Variants in CNTNAP5 observed in about 807,000 individuals in gnomAD.
The protein encoded by CNTNAP5 is contactin associated protein family member 5.
Under a neutral mutation model 150.2 loss-of-function variants are expected in CNTNAP5, and 72 were observed. The ratio of observed to expected loss-of-function variants is 0.48; its 90% confidence interval spans 0.40 to 0.58. CNTNAP5 has a LOEUF of 0.58. Ranked by LOEUF, CNTNAP5 falls within the 20% of genes least tolerant of loss-of-function variation. CNTNAP5 has a pLI of 0.00. For missense variants in CNTNAP5, 1,636 were observed against 1,626.2 expected (o/e 1.01, Z -0.10); for synonymous variants, 672 against 619.8 (o/e 1.08, Z -1.25).
intron 3 of CNTNAP5, among the ~76,000 whole-genome samples, chr2:124,342,648 A>G (rs1689646089): frequency 6.6e-6 from 1 of 152,204 alleles, no homozygotes; most frequent in Non-Finnish European, 1.5e-5. Flanking sequence ...AAATGAGAAT[A>G]CTCAGGAATA....
intron 14 of CNTNAP5, among the ~76,000 whole-genome samples, chr2:124,758,042 T>G (rs1680877371): frequency 6.6e-6 from 1 of 152,026 alleles, no homozygotes; most frequent in Admixed American, 6.6e-5. Context: ...TGATAGGAAT[T>G]AAGAGAGTGG....
At chr2:124,226,828 G>A (rs1332275598) in intron 2 of CNTNAP5, among the ~76,000 whole-genome samples, 1 of 151,992 alleles carries the variant, frequency 6.6e-6, no homozygotes, top group Non-Finnish European at 1.5e-5. Context: ...GACAGCCCAG[G>A]GCATCACATA....
At chr2:124,872,415 T>C (rs60352960) in intron 21 of CNTNAP5, among the ~76,000 whole-genome samples, 3,564 of 144,106 alleles carry the variant, frequency 0.025, 138 homozygotes, top group African/African-American at 0.085. Flanking sequence ...TGTGTGTGTG[T>C]GCGTGCATGT....
At chr2:124,079,018 C>A (rs1021401686) in intron 1 of CNTNAP5, among the ~76,000 whole-genome samples, 14 of 152,154 alleles carry the variant, frequency 9.2e-5, no homozygotes, top group Non-Finnish European at 1.2e-4. Flanking sequence ...GGTGTTGGAT[C>A]TAGCAATTCC....
chr2:124,629,941 A>AAAAAAAAC (rs1677812839), intron 12 of CNTNAP5, among the ~76,000 whole-genome samples: 1 of 149,702 alleles, frequency 6.7e-6, no homozygotes, highest in Non-Finnish European at 1.5e-5. Context: ...CTATGCAAAA[A>AAAAAAAAC]AAAAAAAAAA....
intron 17 of CNTNAP5, among the ~76,000 whole-genome samples, chr2:124,777,342 C>T (rs1200885713): frequency 6.6e-6 from 1 of 152,024 alleles, no homozygotes; most frequent in African/African-American, 2.4e-5. Context: ...ATACATTTAA[C>T]CCATCCCAAC....
chr2:124,906,328 G>A (rs2104763694), intron 22 of CNTNAP5, among the ~76,000 whole-genome samples: 1 of 152,172 alleles, frequency 6.6e-6, no homozygotes, highest in East Asian at 1.9e-4. Context: ...ATGAAATATG[G>A]GTTTTGCAAG....
At chr2:124,070,264 A>G (rs1682267494) in intron 1 of CNTNAP5, among the ~76,000 whole-genome samples, 1 of 151,928 alleles carries the variant, frequency 6.6e-6, no homozygotes. Flanking sequence ...GAAGGAAAGA[A>G]AGAAGCAAAA....
intron 1 of CNTNAP5, among the ~76,000 whole-genome samples, chr2:124,174,982 A>G (rs1685026124): frequency 6.6e-6 from 1 of 152,244 alleles, no homozygotes; most frequent in Admixed American, 6.5e-5. Flanking sequence ...GGCTCAGGTG[A>G]TCATTAGCAT....
intron 1 of CNTNAP5, among the ~76,000 whole-genome samples, chr2:124,092,846 A>G (rs996733359): frequency 6.6e-6 from 1 of 152,220 alleles, no homozygotes; most frequent in Non-Finnish European, 1.5e-5. Flanking sequence ...ATAGTTCACA[A>G]TAATAAATAC....
chr2:124,369,834 C>T (rs1690475204), intron 3 of CNTNAP5, among the ~76,000 whole-genome samples: 1 of 152,112 alleles, frequency 6.6e-6, no homozygotes. Context: ...AAAGGCAGTT[C>T]CCTCAGGCTT....
chr2:124,530,069 T>G (rs1214185719), intron 10 of CNTNAP5, among the ~76,000 whole-genome samples: 1 of 152,150 alleles, frequency 6.6e-6, no homozygotes, highest in Non-Finnish European at 1.5e-5. Context: ...TCCAGTACTT[T>G]AGGAGGCCAA....
intron 1 of CNTNAP5, among the ~76,000 whole-genome samples, chr2:124,041,948 A>G (rs1309138244): frequency 6.6e-6 from 1 of 152,106 alleles, no homozygotes; most frequent in Non-Finnish European, 1.5e-5. Flanking sequence ...TGCAACCACC[A>G]TCTCCTGGGT....
At chr2:124,766,704 A>C (rs1394207329) in intron 16 of CNTNAP5, among the ~76,000 whole-genome samples, 2 of 152,194 alleles carry the variant, frequency 1.3e-5, no homozygotes, top group Non-Finnish European at 2.9e-5. Flanking sequence ...AAATTTAATA[A>C]AAATCAGGCC....
intron 21 of CNTNAP5, among the ~76,000 whole-genome samples, chr2:124,886,918 G>A (rs1678093413): frequency 6.6e-6 from 1 of 151,962 alleles, no homozygotes; most frequent in Non-Finnish European, 1.5e-5. Context: ...CAGCCACTTT[G>A]ACTGTTAATG....
At chr2:124,664,294 G>A (rs1678651089) in intron 13 of CNTNAP5, among the ~76,000 whole-genome samples, 1 of 139,100 alleles carries the variant, frequency 7.2e-6, no homozygotes, top group African/African-American at 2.7e-5. Flanking sequence ...CTGCACTCCA[G>A]TCTGGGCGAC....
intron 3 of CNTNAP5, among the ~76,000 whole-genome samples, chr2:124,289,807 C>T (rs1441025854): frequency 6.6e-6 from 1 of 152,162 alleles, no homozygotes; most frequent in Non-Finnish European, 1.5e-5. Flanking sequence ...GCCTCTACAG[C>T]ATTGCCTCTT....
intron 1 of CNTNAP5, among the ~76,000 whole-genome samples, chr2:124,148,531 A>C (rs912971902): frequency 6.8e-6 from 1 of 146,616 alleles, no homozygotes; most frequent in South Asian, 2.1e-4. Flanking sequence ...TATACATATT[A>C]TATATATACA....
At chr2:124,680,525 C>T (rs1373625793) in intron 13 of CNTNAP5, among the ~76,000 whole-genome samples, 1 of 151,848 alleles carries the variant, frequency 6.6e-6, no homozygotes, top group East Asian at 1.9e-4. Context: ...GCTGCCTTCA[C>T]TTTGGTTTCT....
Sources: allele counts gnomAD v4.1 joint callset (sites outside exome capture counted in the v4.1 genomes callset), GRCh38; gene constraint gnomAD v4.1.1; transcripts MANE v1.5; gene names NCBI Gene and HGNC (gene_info 2026-07-23, HGNC 2026-07-21).